DNAH12: variants seen among roughly 807,000 people sequenced by gnomAD.
The protein encoded by DNAH12 is axonemal beta dynein heavy chain 12.
A neutral mutation model predicts 371.5 loss-of-function variants in DNAH12; 285 were observed. That is an observed-to-expected ratio of 0.77 (90% confidence interval 0.70 to 0.85). DNAH12 has a LOEUF of 0.85. Ranked by LOEUF, DNAH12 falls within the 40% of genes least tolerant of loss-of-function variation. The pLI is 0.00. For synonymous variants in DNAH12, 1,200 were observed against 1,213.0 expected (o/e 0.99, Z 0.22); for missense variants, 3,611 against 3,689.4 (o/e 0.98, Z 0.55).
intron 27 of DNAH12, 62 bp downstream of exon 27, chr3:57,445,969 T>G: frequency 7.0e-7 from 1 of 1,419,258 alleles, no homozygotes; most frequent in Admixed American, 2.7e-5. Flanking sequence ...GCCTGGGCAA[T>G]AGAGTAAGAC....
At chr3:57,555,017 G>A in the DNAH12 span, among the ~76,000 whole-genome samples, 15 of 152,190 alleles carry the variant, frequency 9.9e-5, no homozygotes, top group African/African-American at 2.4e-4. Flanking sequence ...AGGGTAAGGC[G>A]GGGGGCTTGC....
At position 57,345,606 on chromosome 3, in the gene DNAH12, G is replaced by A. The variant is rs141464449; in HGVS notation, c.9674+6479C>T. 2.9e-3 allele frequency among the ~76,000 whole-genome samples: 441 copies of A among 152,256 alleles called. 2 individuals are homozygous for A. The highest frequency in any genetic ancestry group is 0.01 in the African/African-American group (417 of 41,554). On this transcript the variant is annotated intron_variant, in intron 60 of 73. Transcript: ENST00000495027. Reference sequence around the variant, plus strand: ...TGTAACACTTAAGCTCATGTCAACAGCAACAGGAGGTGGCTACAAAATTAT... The same window carrying A: ...TGTAACACTTAAGCTCATGTCAACAACAACAGGAGGTGGCTACAAAATTAT...
At chr3:57,294,856 C>G (rs1359721766) in intron 73 of DNAH12, among the ~76,000 whole-genome samples, 1 of 152,170 alleles carries the variant, frequency 6.6e-6, no homozygotes, top group Non-Finnish European at 1.5e-5. Context: ...ATAGTTATAA[C>G]TGAACCACAT....
chr3:57,497,649 T>G (rs1279948947), intron 11 of DNAH12, among the ~76,000 whole-genome samples: 2 of 152,226 alleles, frequency 1.3e-5, no homozygotes, highest in African/African-American at 4.8e-5. Context: ...GACAATCACA[T>G]GTGTTGTTTA....
At chr3:57,337,030 G>A (rs1181599261) in intron 60 of DNAH12, among the ~76,000 whole-genome samples, 5 of 152,114 alleles carry the variant, frequency 3.3e-5, no homozygotes, top group Non-Finnish European at 7.4e-5. Context: ...TGAAAAGACA[G>A]AGACTGACAG....
chr3:57,345,811 A>C (rs1454459948), intron 60 of DNAH12, among the ~76,000 whole-genome samples: 3 of 152,194 alleles, frequency 2.0e-5, no homozygotes, highest in African/African-American at 4.8e-5. Context: ...AAATGATAAA[A>C]ATAGACTAGT....
chr3:57,402,366 A>G, intron 43 of DNAH12: 1 of 1,303,084 alleles, frequency 7.7e-7, no homozygotes, highest in Non-Finnish European at 1.0e-6. Flanking sequence ...CCCTAGGCAT[A>G]TAAGGACGAA....
chr3:57,424,895 C>T (rs563684949), intron 35 of DNAH12, 127 bp downstream of exon 35: 1 of 546,450 alleles, frequency 1.8e-6, no homozygotes, highest in South Asian at 3.0e-5. Flanking sequence ...TTTAGTGTCT[C>T]CAGCTATTCT....
intron 62 of DNAH12, among the ~76,000 whole-genome samples, chr3:57,324,341 T>C (rs2061880625): frequency 6.6e-6 from 1 of 152,192 alleles, no homozygotes. Context: ...ATACAAATTA[T>C]AACTATACTT....
At chr3:57,478,056 G>A (rs2066598496) in intron 13 of DNAH12, among the ~76,000 whole-genome samples, 1 of 152,170 alleles carries the variant, frequency 6.6e-6, no homozygotes, top group Admixed American at 6.5e-5. Flanking sequence ...CACCAGCAAT[G>A]GAACAAAGCT....
Position 57,504,035 on chromosome 3 carries a change from C to T in DNAH12, c.1067G>A (p.Arg356Gln), listed in dbSNP as rs748477425. 1.8e-5 allele frequency: 29 copies of T among 1,612,742 alleles called. No homozygotes were observed. The South Asian group carries it at 2.0e-4, about 11-fold the overall frequency. The change falls in exon 9 of 74, where the codon CGA (arginine) becomes CAA (glutamine). Residue 356 changes from arginine (R) to glutamine (Q), a missense_variant. By Grantham distance (43) the Arg-to-Gln change is conservative. This residue lies in a region of DNAH12 where 1,314 missense variants were observed against 1,398.7 expected (regional missense o/e 0.94). Coordinates refer to ENST00000495027, the MANE Select transcript of DNAH12 (RefSeq NM_001366028.2). ...LEDNVLSLVERIAEALQNVQT... is the reference protein window; with the variant it reads ...LEDNVLSLVEQIAEALQNVQT... ...TAATACCTGCAGAGCTTCGGCTATTCGTTCCACCAAACTCAAGACATTATC... is the reference window on the plus strand; with the variant it reads ...TAATACCTGCAGAGCTTCGGCTATTTGTTCCACCAAACTCAAGACATTATC...
Position 57,508,405 on chromosome 3 carries a change from AAC to A in DNAH12, c.676_677del (p.Val226PhefsTer8), listed in dbSNP as rs770314493. ...ACCTAATTCCTGTGAAGTCCAACAA[AAC>A]TGTATCAGCAAATGTTGTATAACCA... ...DLGYTTFADT[V>X]LLDFTGIRAK... On this transcript the variant is annotated frameshift_variant, in exon 7 of 74. Transcript: ENST00000495027. LOFTEE classifies it high-confidence loss of function. 8 of 1,607,062 alleles carry A rather than the reference AAC, an allele frequency of 5.0e-6. No individual in the cohort carries two copies. The South Asian group carries it at 7.9e-5, about 16-fold the overall frequency.
At chr3:57,324,761 G>A (rs1016848318) in intron 62 of DNAH12, among the ~76,000 whole-genome samples, 18 of 152,228 alleles carry the variant, frequency 1.2e-4, no homozygotes, top group African/African-American at 4.1e-4. Context: ...GCCGAAGCAG[G>A]GCGAGGCATT....
intron 11 of DNAH12, among the ~76,000 whole-genome samples, chr3:57,495,651 T>C (rs142901725): frequency 0.024 from 3,509 of 146,084 alleles, 76 homozygotes; most frequent in Middle Eastern, 0.036. Flanking sequence ...TTATATAATA[T>C]ATAAATATAT....
intron 62 of DNAH12, among the ~76,000 whole-genome samples, chr3:57,333,329 C>T (rs1297619563): frequency 3.6e-5 from 4 of 111,068 alleles, no homozygotes; most frequent in African/African-American, 1.8e-4. Flanking sequence ...TTTAAGGCAA[C>T]TTTTTTTTTT....
chr3:57,495,585 A>G (rs1468789814), intron 11 of DNAH12, among the ~76,000 whole-genome samples: 4 of 17,926 alleles, frequency 2.2e-4, no homozygotes, highest in African/African-American at 6.4e-4. Context: ...ACTCCATCTC[A>G]AAAAAATATA....
intron 4 of DNAH12, among the ~76,000 whole-genome samples, chr3:57,518,377 T>G (rs2068278553): frequency 6.6e-6 from 1 of 151,894 alleles, no homozygotes; most frequent in Non-Finnish European, 1.5e-5. Context: ...ATATAAAAAA[T>G]TAGCCAGGCA....
Position 57,403,385 on chromosome 3 carries a change from G to A in DNAH12, c.6872C>T (p.Ser2291Phe). ...TTGGAAAATATGCATTTTTGCCATG[G>A]ATGTAGCCAGACGAGTTAAAGATTG... is the stretch of plus-strand genomic sequence containing the variant. ...GRQSLTRLAT[S>F]MAKMHIFQPE... Residue 2291 changes from serine to phenylalanine, a missense_variant, in exon 43 of 74, where the codon TCC (serine) becomes TTC (phenylalanine). Transcript: ENST00000495027. 6.4e-7 allele frequency: 1 copy of A among 1,551,100 alleles called. No homozygotes were observed. Among genetic ancestry groups the A allele is most frequent in the Non-Finnish European group, 8.7e-7 (1 of 1,146,716 alleles).
At chr3:57,388,977 A>G (rs1381580366) in intron 45 of DNAH12, among the ~76,000 whole-genome samples, 2 of 152,148 alleles carry the variant, frequency 1.3e-5, no homozygotes, top group African/African-American at 4.8e-5. Flanking sequence ...TGGGTGCAGC[A>G]CACCAACATG....
Sources: allele counts gnomAD v4.1 joint callset (sites outside exome capture counted in the v4.1 genomes callset), GRCh38; gene constraint gnomAD v4.1.1; regional missense constraint gnomAD v4.1.1; transcripts MANE v1.5; gene names NCBI Gene and HGNC (gene_info 2026-07-23, HGNC 2026-07-21).